Variants in RBFOX1 observed in about 807,000 individuals in gnomAD.
The protein encoded by RBFOX1 is RNA binding protein fox-1 homolog 1.
In RBFOX1, 8 loss-of-function variants were observed where a neutral mutation model predicts 57.7. The observed-to-expected ratio is 0.14, with a 90% CI of 0.08 to 0.25. The LOEUF is 0.25. Ranked by LOEUF, RBFOX1 falls within the 10% of genes least tolerant of loss-of-function variation. The pLI is 1.00. For missense variants in RBFOX1, 611 were observed against 548.5 expected, an observed-to-expected ratio of 1.11 and a Z score of -1.14; for synonymous variants, 326 against 222.4, an observed-to-expected ratio of 1.47 and a Z score of -4.15.
intron 4 of RBFOX1, among the ~76,000 whole-genome samples, chr16:7,398,273 C>G (rs1168425279): frequency 6.6e-6 from 1 of 152,146 alleles, no homozygotes; most frequent in Non-Finnish European, 1.5e-5. Flanking sequence ...TTATGTTTTT[C>G]TTTCCCTCTG....
intron 2 of RBFOX1, among the ~76,000 whole-genome samples, chr16:6,498,430 A>C (rs1353305517): frequency 2.0e-5 from 3 of 152,180 alleles, no homozygotes; most frequent in Non-Finnish European, 4.4e-5. Flanking sequence ...AAGAGAAGAC[A>C]GACCAGTTAG....
At chr16:7,006,522 T>C (rs2093310225) in intron 3 of RBFOX1, among the ~76,000 whole-genome samples, 1 of 152,050 alleles carries the variant, frequency 6.6e-6, no homozygotes, top group Non-Finnish European at 1.5e-5. Context: ...TGATCACAGC[T>C]CACTGTAGCC....
chr16:7,485,888 T>G (rs2065234956), intron 4 of RBFOX1, among the ~76,000 whole-genome samples: 1 of 152,202 alleles, frequency 6.6e-6, no homozygotes, highest in Non-Finnish European at 1.5e-5. Context: ...GTAAATAAAG[T>G]TTTATTGGCA....
intron 3 of RBFOX1, among the ~76,000 whole-genome samples, chr16:6,894,630 A>G (rs917803304): frequency 2.0e-5 from 3 of 152,190 alleles, no homozygotes; most frequent in South Asian, 2.1e-4. Flanking sequence ...TTAAACTGAC[A>G]CTTTCTCTCA....
At chr16:6,981,038 G>A (rs79181849) in intron 3 of RBFOX1, among the ~76,000 whole-genome samples, 1,772 of 28,222 alleles carry the variant, frequency 0.063, 82 homozygotes, top group African/African-American at 0.33. Context: ...GCAAGTCTCA[G>A]TCTCAAAAAA....
At chr16:6,288,824 C>A (rs773278327) in intron 1 of RBFOX1, among the ~76,000 whole-genome samples, 30 of 152,046 alleles carry the variant, frequency 2.0e-4, no homozygotes, top group Non-Finnish European at 4.0e-4. Context: ...GTAATACCTG[C>A]TTGGGGTACT....
chr16:5,363,199 A>ATTT (rs533158906), intron 1 of RBFOX1, among the ~76,000 whole-genome samples: 4,188 of 121,626 alleles, frequency 0.034, 87 homozygotes, highest in Middle Eastern at 0.082. Flanking sequence ...GCCCCTGGCT[A>ATTT]TTTTTTTTTT....
At chr16:6,872,114 T>A (rs188403387) in intron 3 of RBFOX1, among the ~76,000 whole-genome samples, 35 of 152,328 alleles carry the variant, frequency 2.3e-4, no homozygotes, top group African/African-American at 8.4e-4. Context: ...GTACCTGTTA[T>A]GTTTTAATAT....
chr16:6,194,509 C>A (rs143430755), intron 1 of RBFOX1, among the ~76,000 whole-genome samples: 1 of 152,140 alleles, frequency 6.6e-6, no homozygotes, highest in Non-Finnish European at 1.5e-5. Context: ...GTTCAGTGCA[C>A]GTAATGAGCC....
intron 11 of RBFOX1, 49 bp downstream of exon 11, chr16:7,630,732 C>CCAAT (rs1374013422): frequency 6.2e-7 from 1 of 1,610,280 alleles, no homozygotes; most frequent in Non-Finnish European, 8.5e-7. Context: ...AAATCTGAGT[C>CCAAT]CAATCACCTT....
At chr16:6,445,934 A>G (rs2094476065) in intron 2 of RBFOX1, among the ~76,000 whole-genome samples, 1 of 151,340 alleles carries the variant, frequency 6.6e-6, no homozygotes, top group South Asian at 2.1e-4. Flanking sequence ...CCTGTTAACT[A>G]TACACAGAGT....
intron 4 of RBFOX1, among the ~76,000 whole-genome samples, chr16:7,179,150 TG>T (rs369988059): frequency 3.9e-5 from 6 of 152,264 alleles, no homozygotes; most frequent in Non-Finnish European, 7.4e-5. Flanking sequence ...TAATATTTTT[TG>T]GTGCATTTGG....
At chr16:6,904,555 C>G (rs1596710264) in intron 3 of RBFOX1, among the ~76,000 whole-genome samples, 1 of 124,198 alleles carries the variant, frequency 8.1e-6, no homozygotes, top group East Asian at 2.6e-4. Context: ...GAGCTGAGAT[C>G]ATGCCATTGC....
intron 3 of RBFOX1, among the ~76,000 whole-genome samples, chr16:6,788,981 G>GTT (rs1210279243): frequency 6.6e-6 from 1 of 152,134 alleles, no homozygotes. Context: ...GGGACATGTG[G>GTT]TTTTATTCCC....
At chr16:5,814,513 A>C (rs1298893635) in intron 3 of RBFOX1, among the ~76,000 whole-genome samples, 1 of 152,188 alleles carries the variant, frequency 6.6e-6, no homozygotes, top group Admixed American at 6.5e-5. Flanking sequence ...TCAATGCCCA[A>C]TTCACAGATG....
At chr16:5,630,683 G>A (rs1170869892) in intron 3 of RBFOX1, among the ~76,000 whole-genome samples, 2 of 152,086 alleles carry the variant, frequency 1.3e-5, no homozygotes, top group African/African-American at 4.8e-5. Flanking sequence ...AGCCAAGCCG[G>A]CTTCTTATTC....
At chr16:6,857,717 A>C (rs1423450240) in intron 3 of RBFOX1, among the ~76,000 whole-genome samples, 1 of 152,144 alleles carries the variant, frequency 6.6e-6, no homozygotes, top group African/African-American at 2.4e-5. Context: ...ATGATTTCCC[A>C]TTCTCCTGTA....
chr16:6,527,863 T>C (rs1018389195), intron 2 of RBFOX1, among the ~76,000 whole-genome samples: 9 of 152,162 alleles, frequency 5.9e-5, no homozygotes, highest in African/African-American at 1.7e-4. Context: ...GGCCTCCTTA[T>C]GCACAATTCA....
At chr16:6,626,346 G>A (rs1013739517) in intron 2 of RBFOX1, among the ~76,000 whole-genome samples, 20 of 152,108 alleles carry the variant, frequency 1.3e-4, no homozygotes, top group African/African-American at 4.8e-4. Context: ...TGGTGTGGAG[G>A]AGTGGGTGTT....
Sources: gnomAD v4.1 joint callset for allele counts (sites outside exome capture counted in the v4.1 genomes callset) on GRCh38, gnomAD v4.1.1 for gene constraint, MANE v1.5 for transcripts, NCBI Gene and HGNC (gene_info 2026-07-23, HGNC 2026-07-21) for gene names.